The following LRRC37A2 variants were observed in gnomAD, a reference collection of about 807,000 sequenced individuals.
The protein encoded by LRRC37A2 is leucine-rich repeat-containing protein 37A2.
LRRC37A2 carries 9 observed loss-of-function variants against 68.8 expected under a neutral mutation model. The observed-to-expected ratio is 0.13, with a 90% CI of 0.08 to 0.23. The LOEUF is 0.23. Among genes scored for constraint, LRRC37A2 ranks in the 10% least tolerant of loss-of-function variants. LRRC37A2 has a pLI of 1.00. For synonymous variants in LRRC37A2, 63 were observed against 367.6 expected (o/e 0.17, Z 9.48); for missense variants, 168 against 950.4 (o/e 0.18, Z 10.82).
chr17:46,935,928 C>G, the LRRC37A2 span: 9 of 985,736 alleles, frequency 9.1e-6, no homozygotes, highest in Non-Finnish European at 1.1e-5. Context: ...ATGAAGCACT[C>G]CCAGCCACTG....
the LRRC37A2 span, among the ~76,000 whole-genome samples, chr17:46,812,198 G>C: frequency 1.3e-5 from 2 of 152,166 alleles, no homozygotes; most frequent in African/African-American, 4.8e-5. Flanking sequence ...ACTGAGAGCA[G>C]GGAATTCCCT....
the LRRC37A2 span, among the ~76,000 whole-genome samples, chr17:46,752,617 A>G: frequency 6.6e-6 from 1 of 152,014 alleles, no homozygotes; most frequent in Non-Finnish European, 1.5e-5. Context: ...TACCACACTC[A>G]ACTAATTTTT....
At chr17:46,839,913 TTTCTTTC>T in the LRRC37A2 span, among the ~76,000 whole-genome samples, 1 of 13,862 alleles carries the variant, frequency 7.2e-5, no homozygotes, top group Non-Finnish European at 1.5e-4. Context: ...CATTTTCTCT[TTTCTTTC>T]TTTCTTTCTT....
chr17:46,840,796 T>A, the LRRC37A2 span, among the ~76,000 whole-genome samples: 2 of 152,264 alleles, frequency 1.3e-5, no homozygotes, highest in African/African-American at 2.4e-5. Flanking sequence ...TGCATAAATG[T>A]CTTCTTTTGA....
the LRRC37A2 span, among the ~76,000 whole-genome samples, chr17:46,499,335 A>AAGG: frequency 5.6e-5 from 5 of 89,160 alleles, no homozygotes; most frequent in East Asian, 3.1e-4. Context: ...AAAAAAAAAA[A>AAGG]GGTGGGGGGA....
the LRRC37A2 span, among the ~76,000 whole-genome samples, chr17:46,804,708 A>G: frequency 6.6e-6 from 1 of 152,250 alleles, no homozygotes; most frequent in African/African-American, 2.4e-5. Flanking sequence ...GGCCAGCCGG[A>G]CTTCCTGGGT....
At chr17:46,703,541 G>C in the LRRC37A2 span, among the ~76,000 whole-genome samples, 1 of 147,976 alleles carries the variant, frequency 6.8e-6, no homozygotes, top group Non-Finnish European at 1.5e-5. Context: ...AATTAGCCGG[G>C]CGTGGTGGTG....
At chr17:46,545,306 C>T (rs1318612490) in intron 8 of LRRC37A2, among the ~76,000 whole-genome samples, 2 of 146,326 alleles carry the variant, frequency 1.4e-5, no homozygotes, top group African/African-American at 5.4e-5. Flanking sequence ...AAAAAATTAG[C>T]TGGGCATGGT....
the LRRC37A2 span, among the ~76,000 whole-genome samples, chr17:46,883,876 C>G: frequency 6.6e-6 from 1 of 152,198 alleles, no homozygotes; most frequent in African/African-American, 2.4e-5. Context: ...CTTATCCCCC[C>G]ACTCCCATCC....
At chr17:46,440,613 C>T in the LRRC37A2 span, among the ~76,000 whole-genome samples, 7 of 17,898 alleles carry the variant, frequency 3.9e-4, no homozygotes, top group Non-Finnish European at 8.9e-4. Context: ...ATTACAGGCA[C>T]ATGCCACCAT....
the LRRC37A2 span, among the ~76,000 whole-genome samples, chr17:46,861,744 A>C: frequency 6.6e-6 from 1 of 152,172 alleles, no homozygotes; most frequent in Non-Finnish European, 1.5e-5. Context: ...CCAACTACCA[A>C]GCTCTGGTCA....
chr17:47,002,503 G>A, the LRRC37A2 span, among the ~76,000 whole-genome samples: 3 of 151,732 alleles, frequency 2.0e-5, no homozygotes, highest in Non-Finnish European at 4.4e-5. Flanking sequence ...CATTTCTCCT[G>A]CCTCAGCCTC....
chr17:46,922,719 C>G, the LRRC37A2 span: 1 of 162,000 alleles, frequency 6.2e-6, no homozygotes, highest in African/African-American at 2.4e-5. Flanking sequence ...TAGACAAATG[C>G]GAAACAGGAA....
At chr17:46,929,705 G>A in the LRRC37A2 span, 1 of 688,458 alleles carries the variant, frequency 1.5e-6, no homozygotes, top group East Asian at 2.7e-5. Context: ...GAGTTTTGTT[G>A]TTAGGGTGGA....
chr17:46,583,554 C>G, the LRRC37A2 span, among the ~76,000 whole-genome samples: 2 of 79,532 alleles, frequency 2.5e-5, 1 homozygote, highest in Non-Finnish European at 6.9e-5. Flanking sequence ...CTCGGCCTCC[C>G]AAAGTGCTGG....
the LRRC37A2 span, among the ~76,000 whole-genome samples, chr17:46,791,865 C>T: frequency 6.6e-5 from 10 of 152,136 alleles, no homozygotes; most frequent in South Asian, 2.1e-4. Context: ...CACAGCGAGA[C>T]GCTGTCTCTA....
At chr17:46,972,939 T>C in the LRRC37A2 span, 1 of 153,890 alleles carries the variant, frequency 6.5e-6, no homozygotes, top group East Asian at 2.0e-4. Flanking sequence ...CTAGGTCTTG[T>C]ACGTCAAGTT....
the LRRC37A2 span, among the ~76,000 whole-genome samples, chr17:46,910,978 A>G: frequency 1.3e-5 from 2 of 152,196 alleles, no homozygotes; most frequent in African/African-American, 2.4e-5. Flanking sequence ...CAGGAGCATG[A>G]CATGCATATG....
At chr17:47,023,265 T>C in the LRRC37A2 span, among the ~76,000 whole-genome samples, 3 of 152,252 alleles carry the variant, frequency 2.0e-5, no homozygotes, top group African/African-American at 7.2e-5. Flanking sequence ...TAGAAGGAAT[T>C]GGTTTAGACA....
Sources: gnomAD v4.1 joint callset for allele counts (sites outside exome capture counted in the v4.1 genomes callset) on GRCh38, gnomAD v4.1.1 for gene constraint, MANE v1.5 for transcripts, NCBI Gene and HGNC (gene_info 2026-07-23, HGNC 2026-07-21) for gene names.